The following ANO3 variants were observed in gnomAD, a reference collection of about 807,000 sequenced individuals.
ANO3 encodes the protein anoctamin 3.
ANO3 carries 99 observed loss-of-function variants against 144.8 expected under a neutral mutation model. The ratio of observed to expected loss-of-function variants is 0.68; its 90% CI spans 0.58 to 0.81. The LOEUF is 0.81. Among genes scored for constraint, ANO3 ranks in the 30% least tolerant of loss-of-function variants. The pLI is 0.00. For missense variants in ANO3, 905 were observed against 1,202.2 expected, an observed-to-expected ratio of 0.75 and a Z score of 3.66; for synonymous variants, 414 against 392.6, an observed-to-expected ratio of 1.05 and a Z score of -0.64.
At chr11:26,326,416 T>C (rs1176851543) in intron 1 of ANO3, among the ~76,000 whole-genome samples, 2 of 152,210 alleles carry the variant, frequency 1.3e-5, no homozygotes, top group African/African-American at 2.4e-5. Context: ...TTTATCATTA[T>C]GGATGTATCT....
rs1024348703 is a variant in ANO3 at position 26,525,635 on chromosome 11, G to A, written c.693G>A (p.Arg231=). The A allele has an allele frequency of 6.2e-7, 1 of 1,608,822 alleles. No homozygotes were observed. Among genetic ancestry groups the A allele is most frequent in the Non-Finnish European group, 8.5e-7 (1 of 1,177,720 alleles). Residue 231 remains arginine, a splice_region_variant and synonymous_variant, in exon 7 of 27, where the codon AGG becomes AGA. Transcript: ENST00000256737. ...TAGCTGTTTTCTATTATTTTTTCAG[G>A]AAAAAATGCTATTACACTGACGGGA... is the stretch of plus-strand genomic sequence containing the variant. ...AERLNIRMPF[R]KKCYYTDGRS...
At chr11:26,537,599 C>A in intron 10 of ANO3, 138 bp downstream of exon 10, 1 of 752,090 alleles carries the variant, frequency 1.3e-6, no homozygotes. Flanking sequence ...TCTGTCTCCC[C>A]ATTGTAATTT....
intron 1 of ANO3, among the ~76,000 whole-genome samples, chr11:26,258,310 A>G (rs1234563605): frequency 6.6e-6 from 1 of 152,202 alleles, no homozygotes; most frequent in Non-Finnish European, 1.5e-5. Flanking sequence ...CAAAAAATGT[A>G]TTATAATCGT....
At chr11:26,201,643 G>A (rs1407957083) in intron 1 of ANO3, among the ~76,000 whole-genome samples, 3 of 151,936 alleles carry the variant, frequency 2.0e-5, no homozygotes, top group Non-Finnish European at 2.9e-5. Flanking sequence ...TGAATCATAA[G>A]TGGATTTGCA....
At chr11:26,610,284 C>A (rs1003560567) in intron 17 of ANO3, among the ~76,000 whole-genome samples, 10 of 143,852 alleles carry the variant, frequency 7.0e-5, no homozygotes, top group African/African-American at 2.3e-4. Flanking sequence ...GTTTTCATTT[C>A]TCTGATGACT....
intron 20 of ANO3, among the ~76,000 whole-genome samples, chr11:26,637,167 G>A (rs780274755): frequency 6.6e-6 from 1 of 152,064 alleles, no homozygotes; most frequent in East Asian, 1.9e-4. Context: ...AAAACTATTG[G>A]ACCCCCTTCT....
intron 1 of ANO3, among the ~76,000 whole-genome samples, chr11:26,206,006 T>G (rs1231373685): frequency 6.6e-6 from 1 of 152,212 alleles, no homozygotes; most frequent in African/African-American, 2.4e-5. Context: ...ATGCTTTAAG[T>G]TTTTATTGAA....
At chr11:26,451,267 C>A (rs955085534) in intron 3 of ANO3, among the ~76,000 whole-genome samples, 1 of 152,136 alleles carries the variant, frequency 6.6e-6, no homozygotes, top group Non-Finnish European at 1.5e-5. Context: ...CTGCATGAGC[C>A]GAAGCAGGGC....
chr11:26,654,996 C>T (rs541966179), intron 24 of ANO3, among the ~76,000 whole-genome samples: 1 of 144,958 alleles, frequency 6.9e-6, no homozygotes, highest in South Asian at 2.3e-4. Flanking sequence ...TATCTTTCTG[C>T]CCCCACTGCC....
intron 1 of ANO3, among the ~76,000 whole-genome samples, chr11:26,379,634 G>GA (rs200990432): frequency 0.015 from 2,316 of 149,898 alleles, 21 homozygotes; most frequent in Non-Finnish European, 0.024. Flanking sequence ...ATGCAAAAAA[G>GA]AAAAAAAAAT....
intron 6 of ANO3, among the ~76,000 whole-genome samples, chr11:26,520,976 T>A (rs948457958): frequency 1.3e-5 from 2 of 152,072 alleles, no homozygotes; most frequent in African/African-American, 4.8e-5. Context: ...GAGAAAAGAG[T>A]TTGAGAACTG....
intron 9 of ANO3, among the ~76,000 whole-genome samples, chr11:26,536,782 G>A (rs1849520702): frequency 1.3e-5 from 2 of 152,000 alleles, no homozygotes; most frequent in Admixed American, 1.3e-4. Context: ...TGATTTATCA[G>A]TTTTGGATAT....
At chr11:26,451,578 G>C (rs1362160726) in intron 3 of ANO3, among the ~76,000 whole-genome samples, 5 of 152,192 alleles carry the variant, frequency 3.3e-5, no homozygotes, top group African/African-American at 7.2e-5. Context: ...AACAAAGCAG[G>C]CAGGAAGCTC....
chr11:26,263,643 C>T (rs78633235), intron 1 of ANO3, among the ~76,000 whole-genome samples: 3,050 of 152,234 alleles, frequency 0.02, 62 homozygotes, highest in East Asian at 0.12. Flanking sequence ...CTAAGGACTA[C>T]CTAAGAGGAG....
In ANO3 at chr11:26,649,929, G is replaced by A. The variant is rs111406520; in HGVS notation, c.2576+2073G>A. ...TTAAAATATACAGGCTTGTTAGGGAGCCCTCTTCCATAGCATTATTTGCCA... is the reference window on the plus strand; with the variant it reads ...TTAAAATATACAGGCTTGTTAGGGAACCCTCTTCCATAGCATTATTTGCCA... On this transcript the variant is annotated intron_variant, in intron 24 of 26. Coordinates refer to ENST00000256737, the MANE Select transcript of ANO3 (RefSeq NM_031418.4). Among the ~76,000 whole-genome samples, 1,006 of 152,242 alleles carry A rather than the reference G, an allele frequency of 6.6e-3. 5 individuals are homozygous for A. Among genetic ancestry groups the A allele is most frequent in the African/African-American group, 0.022 (933 of 41,524 alleles).
intron 1 of ANO3, among the ~76,000 whole-genome samples, chr11:26,362,219 A>T (rs1855946177): frequency 6.6e-6 from 1 of 152,114 alleles, no homozygotes; most frequent in Non-Finnish European, 1.5e-5. Context: ...TAATTTTGCC[A>T]ATTTTGCTTT....
At chr11:26,650,233 G>GGAA (rs10645372) in intron 24 of ANO3, among the ~76,000 whole-genome samples, 75,283 of 151,680 alleles carry the variant, frequency 0.5, 19,312 homozygotes, top group South Asian at 0.64. Flanking sequence ...GCAAGGTGGC[G>GGAA]GAAGAAGATG....
At chr11:26,275,708 A>G (rs754900978) in intron 1 of ANO3, among the ~76,000 whole-genome samples, 1 of 152,156 alleles carries the variant, frequency 6.6e-6, no homozygotes, top group Non-Finnish European at 1.5e-5. Flanking sequence ...GTTCTAGTGC[A>G]GCAGATTTCA....
chr11:26,412,413 T>C (rs917156102), intron 1 of ANO3, among the ~76,000 whole-genome samples: 2 of 152,034 alleles, frequency 1.3e-5, no homozygotes, highest in Non-Finnish European at 2.9e-5. Flanking sequence ...ATCAAAATAA[T>C]GAAAATGAGA....
Sources: gnomAD v4.1 joint callset for allele counts (sites outside exome capture counted in the v4.1 genomes callset) on GRCh38, gnomAD v4.1.1 for gene constraint, MANE v1.5 for transcripts, NCBI Gene and HGNC (gene_info 2026-07-23, HGNC 2026-07-21) for gene names.